FRA10AC1: variants seen among roughly 807,000 people sequenced by gnomAD.
The protein encoded by FRA10AC1 is FRA10A associated CGG repeat 1.
FRA10AC1 carries 43 observed loss-of-function variants against 56.5 expected under a neutral mutation model. The ratio of observed to expected loss-of-function variants is 0.76; its 90% confidence interval spans 0.60 to 0.98. The LOEUF (loss-of-function observed/expected upper bound fraction) is 0.98. Ranked by LOEUF, FRA10AC1 falls within the 50% of genes least tolerant of loss-of-function variation. FRA10AC1 has a pLI of 0.00. For missense variants in FRA10AC1, 346 were observed against 351.8 expected (o/e 0.98, Z 0.13); for synonymous variants, 112 against 110.5 (o/e 1.01, Z -0.09).
chr10:93,681,404 T>C (rs2058931413), intron 11 of FRA10AC1, 76 bp downstream of exon 11: 1 of 946,744 alleles, frequency 1.1e-6, no homozygotes, highest in African/African-American at 1.7e-5. Flanking sequence ...ATTCACCAAT[T>C]AGATGAATGA....
In FRA10AC1 at chr10:93,700,074, A is replaced by G. The variant is rs1453603079; in HGVS notation, c.33T>C (p.Phe11=). ...ATTCTCCACAGCGTTCATCATCACT[A>G]AAATCAGAATCATAGCCTCCATGAC... is the stretch of plus-strand genomic sequence containing the variant. The part of the protein sequence containing the change: MHGHGGYDSD[F]SDDERCGESS... Residue 11 remains phenylalanine, a synonymous_variant, in exon 2 of 14, where the codon TTT becomes TTC. Transcript: ENST00000359204. 6.2e-7 allele frequency: 1 copy of G among 1,604,196 alleles called. No homozygotes were observed. The highest frequency in any genetic ancestry group is 1.7e-5 in the Admixed American group (1 of 59,502).
intron 7 of FRA10AC1, chr10:93,687,965 T>C (rs2059060723): frequency 6.6e-6 from 1 of 152,144 alleles, no homozygotes; most frequent in Non-Finnish European, 1.5e-5. Context: ...ATAATACATA[T>C]GAAACACTTA....
rs1488323514 is a variant in FRA10AC1 at position 93,668,498 on chromosome 10, G to A, written c.*1328C>T. ...TGCGACTAGGACCTTATGTTAAGAAGTTACATTTTATATTTCTGCATAGAA... is the reference window on the plus strand; with the variant it reads ...TGCGACTAGGACCTTATGTTAAGAAATTACATTTTATATTTCTGCATAGAA... On this transcript the variant is annotated 3_prime_UTR_variant, in exon 14 of 14. Coordinates refer to ENST00000359204, the MANE Select transcript of FRA10AC1 (RefSeq NM_145246.5). The A allele has an allele frequency of 1.3e-5, 2 of 152,360 alleles. No homozygotes were observed. The highest frequency in any genetic ancestry group is 1.3e-4 in the Admixed American group (2 of 15,282). The allele number at this position is 152,360 out of a possible 1,614,324, so 9.4% of individuals were successfully genotyped here.
chr10:93,692,977 C>A (rs762390106), intron 5 of FRA10AC1, among the ~76,000 whole-genome samples: 1 of 151,970 alleles, frequency 6.6e-6, no homozygotes, highest in Non-Finnish European at 1.5e-5. Flanking sequence ...TTCAATTATA[C>A]AAATGGTGCT....
intron 12 of FRA10AC1, chr10:93,673,548 G>A: frequency 2.8e-6 from 1 of 360,312 alleles, no homozygotes; most frequent in Non-Finnish European, 5.4e-6. Context: ...ATATTATATG[G>A]TAACTAATAA....
At chr10:93,697,639 T>A (rs1445283248) in intron 4 of FRA10AC1, among the ~76,000 whole-genome samples, 1 of 152,288 alleles carries the variant, frequency 6.6e-6, no homozygotes, top group East Asian at 1.9e-4. Flanking sequence ...TAGCTTTAAG[T>A]CATGCCTAAA....
intron 7 of FRA10AC1, among the ~76,000 whole-genome samples, chr10:93,691,053 T>A (rs1268887941): frequency 6.6e-6 from 1 of 152,214 alleles, no homozygotes; most frequent in African/African-American, 2.4e-5. Context: ...AATAGGTTTT[T>A]TTCTTAATAC....
At chr10:93,680,063 C>T (rs757536441) in intron 11 of FRA10AC1, among the ~76,000 whole-genome samples, 7 of 152,130 alleles carry the variant, frequency 4.6e-5, no homozygotes, top group Non-Finnish European at 8.8e-5. Context: ...AGGGTCCAAC[C>T]TTAGCCCTGA....
In FRA10AC1 at chr10:93,674,315, T is replaced by G. The variant is rs527769158; in HGVS notation, c.826+2338A>C. The G allele has an allele frequency of 1.8e-3, 278 of 152,288 alleles. 1 individual carries two copies. The highest frequency in any genetic ancestry group is 6.2e-3 in the African/African-American group (258 of 41,568). 9.4% of individuals were successfully genotyped at this position (152,288 alleles called of 1,614,324 possible). On this transcript the variant is annotated intron_variant, in intron 12 of 13. Coordinates refer to ENST00000359204, the MANE Select transcript of FRA10AC1 (RefSeq NM_145246.5). ...GAAATTGAGTTTTTCTCCATGGATT[T>G]GGTTTTAATAATCCAGGTGTCAAAT...
At chr10:93,691,837 G>A (rs2059128621) in intron 7 of FRA10AC1, 172 bp downstream of exon 7, 2 of 598,902 alleles carry the variant, frequency 3.3e-6, no homozygotes, top group Middle Eastern at 4.6e-4. Context: ...TAGGCCTTTT[G>A]TAAACTCCAC....
At chr10:93,693,794 G>A (rs1017048253) in intron 5 of FRA10AC1, among the ~76,000 whole-genome samples, 1 of 150,956 alleles carries the variant, frequency 6.6e-6, no homozygotes, top group African/African-American at 2.4e-5. Flanking sequence ...TGGAGCTGGA[G>A]GCCATTATTC....
chr10:93,692,504 A>C, intron 6 of FRA10AC1, 142 bp downstream of exon 6: 2 of 585,220 alleles, frequency 3.4e-6, no homozygotes, highest in South Asian at 4.7e-5. Context: ...CAAAAGAACC[A>C]AATAATCCTA....
At chr10:93,692,261 C>T (rs1451845975) in intron 6 of FRA10AC1, among the ~76,000 whole-genome samples, 168 bp from the exon 7 acceptor site, 4 of 152,072 alleles carry the variant, frequency 2.6e-5, no homozygotes, top group Non-Finnish European at 5.9e-5. Flanking sequence ...GTGGTTCACT[C>T]AGGGAGGGAA....
upstream of FRA10AC1, among the ~76,000 whole-genome samples, chr10:93,702,776 C>T (rs9419779): frequency 0.042 from 6,351 of 151,978 alleles, 458 homozygotes; most frequent in African/African-American, 0.14. Flanking sequence ...TCCTTCCTTT[C>T]CCCTCTAGGG....
chr10:93,673,484 T>A, intron 12 of FRA10AC1: 4 of 385,424 alleles, frequency 1.0e-5, no homozygotes, highest in South Asian at 8.1e-5. Flanking sequence ...TATATACAAT[T>A]TTTCCTACAT....
intron 7 of FRA10AC1, among the ~76,000 whole-genome samples, chr10:93,690,483 C>CTTT (rs1216638086): frequency 6.6e-6 from 1 of 152,110 alleles, no homozygotes; most frequent in African/African-American, 2.4e-5. Context: ...CTCCCCTCAA[C>CTTT]TAGACTAGCT....
intron 12 of FRA10AC1, chr10:93,673,600 G>T: frequency 2.8e-6 from 1 of 351,846 alleles, no homozygotes; most frequent in Non-Finnish European, 5.6e-6. Flanking sequence ...CAATAATCAT[G>T]GTAACAAATG....
At chr10:93,689,134 ATTT>A (rs1294072582) in intron 7 of FRA10AC1, among the ~76,000 whole-genome samples, 1 of 115,830 alleles carries the variant, frequency 8.6e-6, no homozygotes, top group Admixed American at 9.7e-5. Flanking sequence ...GGCTAATTTT[ATTT>A]TTTATAGAGA....
intron 11 of FRA10AC1, among the ~76,000 whole-genome samples, chr10:93,679,245 A>G (rs1383858332): frequency 2.6e-5 from 4 of 152,198 alleles, no homozygotes; most frequent in Admixed American, 2.6e-4. Context: ...AGAATCTTCA[A>G]AGTCCTTTAC....
Sources: gnomAD v4.1 joint callset for allele counts (sites outside exome capture counted in the v4.1 genomes callset) on GRCh38, gnomAD v4.1.1 for gene constraint, MANE v1.5 for transcripts, NCBI Gene and HGNC (gene_info 2026-07-23, HGNC 2026-07-21) for gene names.